Variants in F13A1 observed in about 807,000 individuals in gnomAD.
F13A1 encodes FSF, A subunit.
In F13A1, 47 loss-of-function variants were observed where a neutral mutation model predicts 80.1. That is an observed-to-expected ratio of 0.59 (90% confidence interval 0.46 to 0.75). The LOEUF (loss-of-function observed/expected upper bound fraction) is 0.75. Ranked by LOEUF, F13A1 falls within the 30% of genes least tolerant of loss-of-function variation. The pLI, the probability that F13A1 is intolerant of heterozygous loss-of-function variation, is 0.00. For synonymous variants in F13A1, 349 were observed against 344.9 expected (o/e 1.01, Z -0.13); for missense variants, 817 against 930.4 (o/e 0.88, Z 1.59).
At chr6:6,183,089 T>C (rs555837475) in intron 10 of F13A1, among the ~76,000 whole-genome samples, 5 of 152,124 alleles carry the variant, frequency 3.3e-5, no homozygotes, top group Non-Finnish European at 7.4e-5. Context: ...TGTACCAGAG[T>C]CCTTTATTAC....
At chr6:6,152,098 G>A in intron 13 of F13A1, 149 bp from the exon 14 acceptor site, 1 of 885,804 alleles carries the variant, frequency 1.1e-6, no homozygotes, top group East Asian at 2.6e-5. Context: ...TGATTGCTTT[G>A]ACTGGAGGAT....
intron 2 of F13A1, among the ~76,000 whole-genome samples, chr6:6,309,209 ACTGT>A (rs1758556683): frequency 1.3e-5 from 2 of 152,098 alleles, no homozygotes; most frequent in Non-Finnish European, 2.9e-5. Flanking sequence ...TGATTAGGCA[ACTGT>A]CTAATAACTA....
intron 4 of F13A1, among the ~76,000 whole-genome samples, chr6:6,262,909 G>C (rs1179059880): frequency 1.3e-5 from 2 of 152,020 alleles, no homozygotes; most frequent in Non-Finnish European, 2.9e-5. Context: ...CTCAACCTTA[G>C]CTCCAAGAAT....
At chr6:6,249,841 C>G (rs1211990179) in intron 5 of F13A1, among the ~76,000 whole-genome samples, 1 of 152,140 alleles carries the variant, frequency 6.6e-6, no homozygotes, top group Non-Finnish European at 1.5e-5. Flanking sequence ...TGCCAACTAG[C>G]TTGTAGCTTG....
Position 6,250,918 on chromosome 6 carries a change from A to G in F13A1, c.583T>C (p.Tyr195His), listed in dbSNP as rs757980183. The part of the protein sequence containing the change: ...FNPWCEDDAV[Y>H]LDNEKEREEY... ...TCTCTTTCTTTCTCATTGTCCAGAT[A>G]CACAGCATCATCTGCATCAGGGTTT... The change falls in exon 5 of 15, where the codon TAT becomes CAT. Residue 195 changes from tyrosine (Y) to histidine (H), a missense_variant. Transcript: ENST00000264870. The surrounding 1 kb of genome is among the most constrained non-coding windows in gnomAD (Gnocchi z 4.2). 5 of 1,607,820 alleles carry G rather than the reference A, an allele frequency of 3.1e-6. No homozygotes were observed. The highest frequency in any genetic ancestry group is 3.4e-6 in the Non-Finnish European group (4 of 1,174,754).
Position 6,145,772 on chromosome 6 carries a change from A to C in F13A1, c.2046T>G (p.Arg682=). Residue 682 remains arginine (R), a splice_region_variant and synonymous_variant, in exon 15 of 15, where the codon CGT becomes CGG. Coordinates refer to ENST00000264870, the MANE Select transcript of F13A1 (RefSeq NM_000129.4). ...GVTRPMKKMF[R]EIRPNSTVQW... is the part of the protein sequence containing the mutation. ...GCACGGTGGAGTTGGGCCGGATTTC[A>C]CTGAAAGGATGGAAAAGAGAGGAGA... is the stretch of plus-strand genomic sequence containing the variant. 6.2e-7 allele frequency: 1 copy of C among 1,614,004 alleles called. No individual in the cohort carries two copies.
Position 6,316,371 on chromosome 6 carries a change from G to A in F13A1, c.130+2164C>T, listed in dbSNP as rs144819508. Reference sequence around the variant, plus strand: ...TCGTTCATTCATTCTACAGTCACTGGACATTCATATTCCTATGCCAGTGCC... The same window carrying A: ...TCGTTCATTCATTCTACAGTCACTGAACATTCATATTCCTATGCCAGTGCC... On this transcript the variant is annotated intron_variant, in intron 2 of 14. Coordinates refer to ENST00000264870, the MANE Select transcript of F13A1 (RefSeq NM_000129.4). Among the ~76,000 whole-genome samples the A allele has an allele frequency of 5.0e-3, 765 of 151,602 alleles. 4 individuals carry two copies. Among genetic ancestry groups the A allele is most frequent in the Non-Finnish European group, 6.4e-3 (435 of 67,922 alleles).
intron 13 of F13A1, among the ~76,000 whole-genome samples, chr6:6,152,736 C>T (rs1245653795): frequency 6.6e-6 from 1 of 152,184 alleles, no homozygotes; most frequent in African/African-American, 2.4e-5. Context: ...TATTACTATA[C>T]CTTAAGCTGT....
At chr6:6,294,888 T>TC (rs1758297401) in intron 3 of F13A1, among the ~76,000 whole-genome samples, 1 of 88,380 alleles carries the variant, frequency 1.1e-5, no homozygotes, top group African/African-American at 4.6e-5. Flanking sequence ...ATGCTATCCC[T>TC]CCCCCCTCCC....
intron 8 of F13A1, among the ~76,000 whole-genome samples, chr6:6,207,193 C>G (rs1761504338): frequency 6.6e-6 from 1 of 152,128 alleles, no homozygotes; most frequent in Non-Finnish European, 1.5e-5. Flanking sequence ...AAACCAGTAG[C>G]CTCAGTAGCT....
In F13A1 at chr6:6,165,876, C is replaced by T. The variant is rs189144443; in HGVS notation, c.1908+1582G>A. ...CTTTTCAGGCGTCCTGTGCACACAA[C>T]GCCATGGTGGGCCTGTGGGCCATGA... On this transcript the variant is annotated intron_variant, in intron 13 of 14. Transcript: ENST00000264870. Among the ~76,000 whole-genome samples, 354 of 152,374 alleles carry T rather than the reference C, an allele frequency of 2.3e-3. 2 individuals carry two copies. The highest frequency in any genetic ancestry group is 7.9e-3 in the African/African-American group (330 of 41,586).
chr6:6,167,412 T>C (rs1416000805), intron 13 of F13A1, 46 bp downstream of exon 13: 23 of 1,602,556 alleles, frequency 1.4e-5, no homozygotes, highest in Non-Finnish European at 1.7e-6. Flanking sequence ...GAACACTAAG[T>C]CTGCGTGCCT....
chr6:6,144,257 G>A lies in F13A1; in HGVS notation c.*1362C>T, dbSNP rs536384910. 1 of 152,276 alleles carries A rather than the reference G, an allele frequency of 6.6e-6. No individual in the cohort carries two copies. The highest frequency in any genetic ancestry group is 2.1e-4 in the South Asian group (1 of 4,818). The allele number at this position is 152,276 out of a possible 1,614,324, so 9.4% of individuals were successfully genotyped here. ...TAAAGTTAAGTATGATGTATATATA[G>A]AGGGGACCAGCTCACCCTCATAGGT... On this transcript the variant is annotated 3_prime_UTR_variant, in exon 15 of 15. Coordinates refer to ENST00000264870, the MANE Select transcript of F13A1 (RefSeq NM_000129.4).
rs1757521592 is a variant in F13A1 at position 6,243,961 on chromosome 6, T to C, written c.798+4351A>G. On this transcript the variant is annotated intron_variant, in intron 6 of 14. Coordinates refer to ENST00000264870, the MANE Select transcript of F13A1 (RefSeq NM_000129.4). The surrounding 1 kb of genome is among the most constrained non-coding windows in gnomAD (Gnocchi z 4.2). ...TCTGCCCATAGTTGCTGCCAGATCC[T>C]ATCAGTCGGGAGGCAGGAACAGGCA... is the stretch of plus-strand genomic sequence containing the variant. Among the ~76,000 whole-genome samples the C allele has an allele frequency of 6.6e-6, 1 of 152,222 alleles. No homozygotes were observed. The highest frequency in any genetic ancestry group is 2.4e-5 in the African/African-American group (1 of 41,450).
chr6:6,299,869 T>A (rs894092100), intron 3 of F13A1, among the ~76,000 whole-genome samples: 3 of 147,816 alleles, frequency 2.0e-5, no homozygotes, highest in African/African-American at 8.0e-5. Flanking sequence ...TTTTTCCCCA[T>A]CTTTGTGGTT....
At chr6:6,290,426 C>T (rs1040122487) in intron 3 of F13A1, among the ~76,000 whole-genome samples, 1 of 152,040 alleles carries the variant, frequency 6.6e-6, no homozygotes, top group African/African-American at 2.4e-5. Flanking sequence ...AGTTCTGCAC[C>T]TTATTCAATG....
At chr6:6,149,696 ATGTT>A (rs1760339253) in intron 14 of F13A1, among the ~76,000 whole-genome samples, 1 of 152,300 alleles carries the variant, frequency 6.6e-6, no homozygotes, top group Non-Finnish European at 1.5e-5. Flanking sequence ...TGAGATATAA[ATGTT>A]TGTTGTATAA....
chr6:6,228,731 C>CAA (rs35068752), intron 6 of F13A1, among the ~76,000 whole-genome samples: 1,630 of 71,440 alleles, frequency 0.023, 48 homozygotes, highest in Middle Eastern at 0.045. Flanking sequence ...GATCCTGTCT[C>CAA]AAAAAAAAAA....
chr6:6,157,418 C>G (rs2876011), intron 13 of F13A1, among the ~76,000 whole-genome samples: 73,326 of 151,768 alleles, frequency 0.48, 17,944 homozygotes, highest in African/African-American at 0.57. Flanking sequence ...TGACAGAATA[C>G]AGGTAAAAAT....
Sources: allele counts gnomAD v4.1 joint callset (sites outside exome capture counted in the v4.1 genomes callset), GRCh38; gene constraint gnomAD v4.1.1; non-coding constraint Gnocchi (gnomAD v3.1); transcripts MANE v1.5; gene names NCBI Gene and HGNC (gene_info 2026-07-23, HGNC 2026-07-21).